CNOT6: variants seen among roughly 807,000 people sequenced by gnomAD.
CNOT6 encodes CCR4-NOT transcription complex subunit 6, also known as carbon catabolite repression 4 protein.
In CNOT6, 12 loss-of-function variants were observed where a neutral mutation model predicts 61.2. The observed-to-expected ratio is 0.20, with a 90% CI of 0.13 to 0.32. CNOT6 has a LOEUF of 0.32. CNOT6 is among the 10% of genes least tolerant of loss of function. The probability of loss-of-function intolerance (pLI) is 1.00; values close to 1 mark genes in which losing one functional copy is unlikely to be tolerated. For synonymous variants in CNOT6, 225 were observed against 240.6 expected (o/e 0.94, Z 0.60); for missense variants, 405 against 663.9 (o/e 0.61, Z 4.28).
At position 180,576,832 on chromosome 5, in the gene CNOT6, T is replaced by G. The variant is rs1256658987; in HGVS notation, c.*2632T>G. On this transcript the variant is annotated 3_prime_UTR_variant, in exon 12 of 12. Coordinates refer to ENST00000261951, the MANE Select transcript of CNOT6 (RefSeq NM_001370472.1). ...CTAGTATGTTTTCACGGTGTATATT[T>G]TTTTTCAAAAATTCTGTAACAAATA... 2 of 152,250 alleles carry G rather than the reference T, an allele frequency of 1.3e-5. No homozygotes were observed. Among genetic ancestry groups the G allele is most frequent in the Non-Finnish European group, 2.9e-5 (2 of 68,044 alleles). 9.4% of individuals were successfully genotyped at this position (152,250 alleles called of 1,614,324 possible).
At chr5:180,537,923 A>C (rs1400244952) in intron 2 of CNOT6, among the ~76,000 whole-genome samples, 2 of 151,520 alleles carry the variant, frequency 1.3e-5, no homozygotes, top group Non-Finnish European at 2.9e-5. Flanking sequence ...TTTGTGATTT[A>C]AATAAGTTTT....
Position 180,578,123 on chromosome 5 carries a change from G to A in CNOT6, c.*3923G>A, listed in dbSNP as rs761526872. 6.6e-6 allele frequency: 1 copy of A among 152,594 alleles called. No individual in the cohort carries two copies. Among genetic ancestry groups the A allele is most frequent in the African/African-American group, 2.4e-5 (1 of 41,426 alleles). 9.5% of individuals were successfully genotyped at this position (152,594 alleles called of 1,614,324 possible). A position where few individuals can be genotyped will look rare whatever the true frequency, so the allele number is the denominator to read the frequency against. On this transcript the variant is annotated 3_prime_UTR_variant, in exon 12 of 12. Coordinates refer to ENST00000261951, the MANE Select transcript of CNOT6 (RefSeq NM_001370472.1). ...GAAGAGTGCAGGGGGACGGGGCCAT[G>A]ATATGGGGAAATGGTGTAAACTAAT...
At chr5:180,554,321 G>A (rs1759769326) in intron 4 of CNOT6, among the ~76,000 whole-genome samples, 1 of 151,868 alleles carries the variant, frequency 6.6e-6, no homozygotes, top group South Asian at 2.1e-4. Flanking sequence ...GGGAGGCTGA[G>A]GCATGAGACT....
At chr5:180,499,297 A>C (rs1456051303) in intron 1 of CNOT6, among the ~76,000 whole-genome samples, 2 of 152,242 alleles carry the variant, frequency 1.3e-5, no homozygotes. Flanking sequence ...TTGTCTTCTG[A>C]GTTAGGCTTA....
intron 11 of CNOT6, among the ~76,000 whole-genome samples, chr5:180,573,562 T>TGTGTGTGTGTGG (rs1303091036): frequency 3.6e-5 from 1 of 27,464 alleles, no homozygotes. Context: ...AGTGTGTGTG[T>TGTGTGTGTGTGG]GTGTGTGTGT....
chr5:180,529,948 T>C (rs72812946), intron 2 of CNOT6, among the ~76,000 whole-genome samples: 2,975 of 152,340 alleles, frequency 0.02, 39 homozygotes, highest in Non-Finnish European at 0.029. Flanking sequence ...TCTGGACATA[T>C]TCAAAGAAAT....
intron 1 of CNOT6, among the ~76,000 whole-genome samples, chr5:180,521,656 C>A (rs1757884911): frequency 6.6e-6 from 1 of 152,192 alleles, no homozygotes; most frequent in Non-Finnish European, 1.5e-5. Context: ...CATAAATGAT[C>A]CCATCACACA....
chr5:180,521,586 C>G (rs539008620), intron 1 of CNOT6, among the ~76,000 whole-genome samples: 1 of 152,090 alleles, frequency 6.6e-6, no homozygotes, highest in South Asian at 2.1e-4. Context: ...TATTTTAGAT[C>G]CAAGGGGTAC....
At chr5:180,515,256 C>CA (rs34427441) in intron 1 of CNOT6, among the ~76,000 whole-genome samples, 2,983 of 137,528 alleles carry the variant, frequency 0.022, 80 homozygotes, top group African/African-American at 0.07. Flanking sequence ...CCCATCTCTA[C>CA]AAAAAAAAAA....
intron 11 of CNOT6, among the ~76,000 whole-genome samples, chr5:180,573,604 C>CGTGTGTGTGTGTGT (rs1561669597): frequency 6.9e-5 from 1 of 14,508 alleles, no homozygotes; most frequent in Non-Finnish European, 2.2e-4. Context: ...TGTGTGTGTC[C>CGTGTGTGTGTGTGT]GTCCGTCCGT....
At chr5:180,554,044 C>G (rs1174740392) in intron 4 of CNOT6, among the ~76,000 whole-genome samples, 2 of 152,158 alleles carry the variant, frequency 1.3e-5, no homozygotes, top group Non-Finnish European at 2.9e-5. Flanking sequence ...TTAAGCAGTT[C>G]TTCACCAGCC....
At chr5:180,502,767 CCAAA>C in intron 1 of CNOT6, among the ~76,000 whole-genome samples, 1 of 151,982 alleles carries the variant, frequency 6.6e-6, no homozygotes, top group East Asian at 1.9e-4. Flanking sequence ...TAATTAAAAA[CCAAA>C]CAGAGATGAA....
intron 2 of CNOT6, among the ~76,000 whole-genome samples, chr5:180,548,996 G>C (rs1561654235): frequency 1.3e-5 from 2 of 152,138 alleles, no homozygotes; most frequent in African/African-American, 2.4e-5. Flanking sequence ...TTATCATTCT[G>C]TTCTTAGTCA....
intron 3 of CNOT6, 74 bp from the exon 4 acceptor site, chr5:180,553,311 AG>A (rs1581548617): frequency 8.0e-6 from 8 of 1,000,110 alleles, no homozygotes; most frequent in African/African-American, 1.6e-5. Flanking sequence ...TTATGTTCCT[AG>A]AAACTATGTT....
At chr5:180,525,340 C>T (rs1308052534) in intron 1 of CNOT6, among the ~76,000 whole-genome samples, 1 of 151,908 alleles carries the variant, frequency 6.6e-6, no homozygotes, top group Non-Finnish European at 1.5e-5. Flanking sequence ...AGTTTGAGAC[C>T]AGCTTGGGCA....
chr5:180,573,860 C>T (rs1010309217), intron 11 of CNOT6, 128 bp from the exon 12 acceptor site: 48 of 677,282 alleles, frequency 7.1e-5, no homozygotes, highest in Admixed American at 3.4e-4. Flanking sequence ...AGACCTCATC[C>T]TACAAGCTAG....
At chr5:180,541,523 C>A (rs1307662328) in intron 2 of CNOT6, among the ~76,000 whole-genome samples, 1 of 130,286 alleles carries the variant, frequency 7.7e-6, no homozygotes, top group Non-Finnish European at 1.6e-5. Flanking sequence ...GCAATCTTGG[C>A]TCACTGCAAG....
At chr5:180,508,456 C>T (rs1340769171) in intron 1 of CNOT6, among the ~76,000 whole-genome samples, 3 of 151,904 alleles carry the variant, frequency 2.0e-5, no homozygotes, top group African/African-American at 4.8e-5. Context: ...GGACTACAGG[C>T]GCACGCCACC....
intron 1 of CNOT6, among the ~76,000 whole-genome samples, chr5:180,498,213 C>G (rs1383832338): frequency 1.3e-5 from 2 of 152,176 alleles, no homozygotes; most frequent in Admixed American, 6.5e-5. Context: ...CTCCACTTCG[C>G]TCTTCTCTGT....
Sources: gnomAD v4.1 joint callset for allele counts (sites outside exome capture counted in the v4.1 genomes callset) on GRCh38, gnomAD v4.1.1 for gene constraint, MANE v1.5 for transcripts, NCBI Gene and HGNC (gene_info 2026-07-23, HGNC 2026-07-21) for gene names.